BRD1: variants seen among roughly 807,000 people sequenced by gnomAD.
BRD1 encodes bromodomain-containing protein 1.
In BRD1, 24 loss-of-function variants were observed where a neutral mutation model predicts 107.7. The observed-to-expected ratio is 0.22, with a 90% CI of 0.16 to 0.31. BRD1 has a LOEUF of 0.31. Ranked by LOEUF, BRD1 falls within the 10% of genes least tolerant of loss-of-function variation. The pLI is 1.00. For missense variants in BRD1, 1,279 were observed against 1,638.6 expected (o/e 0.78, Z 3.79); for synonymous variants, 744 against 686.1 (o/e 1.08, Z -1.32).
chr22:49,798,660 C>T lies in BRD1; in HGVS notation c.1683G>A (p.Glu561=), dbSNP rs745840425. 3.1e-6 allele frequency: 5 copies of T among 1,611,070 alleles called. No individual in the cohort carries two copies. In the Admixed American group the frequency reaches 8.4e-5, roughly 27 times the overall value. ...GCACCGTCAGCGGGGTCAGCCGCAG[C>T]TCCATGGCGACCTGCTCCACCTTCA... ...EQVKVEQVAM[E]LRLTPLTVLL... is the part of the protein sequence containing the mutation. Residue 561 remains glutamate (E), a synonymous_variant, in exon 5 of 13, where the codon GAG becomes GAA. Transcript: ENST00000404760.
intron 2 of BRD1, among the ~76,000 whole-genome samples, chr22:49,814,952 G>A (rs764388946): frequency 2.6e-5 from 4 of 152,328 alleles, no homozygotes; most frequent in African/African-American, 9.6e-5. Context: ...CTTCAGGGAA[G>A]AGAACCCGGC....
chr22:49,781,653 C>T (rs1042031364), intron 8 of BRD1, among the ~76,000 whole-genome samples: 1 of 152,264 alleles, frequency 6.6e-6, no homozygotes, highest in Admixed American at 6.5e-5. Flanking sequence ...TCGGCTTCTC[C>T]GGCTCATGGG....
At chr22:49,787,315 C>CTTA in intron 8 of BRD1, 75 bp downstream of exon 8, 1 of 834,916 alleles carries the variant, frequency 1.2e-6, no homozygotes, top group South Asian at 1.7e-5. Context: ...CCCCCCCCGT[C>CTTA]ACACCAATGA....
chr22:49,819,654 T>G (rs2060025724), intron 2 of BRD1, among the ~76,000 whole-genome samples: 1 of 151,778 alleles, frequency 6.6e-6, no homozygotes, highest in Non-Finnish European at 1.5e-5. Context: ...TTTCACCATG[T>G]TAGCCAGGCT....
At position 49,804,193 on chromosome 22, in the gene BRD1, G is replaced by T; in HGVS notation, c.1524+11C>A. On this transcript the variant is annotated intron_variant, in intron 3 of 12. Coordinates refer to ENST00000404760, the MANE Select transcript of BRD1 (RefSeq NM_001304808.3). ...GACGCAGAAAGGCTGTGGGGGCCAC[G>T]AGCCACGTACCTGCTGTGAGCTTCG... is the stretch of plus-strand genomic sequence containing the variant. 6.4e-7 allele frequency: 1 copy of T among 1,562,100 alleles called. No individual in the cohort carries two copies. Among genetic ancestry groups the T allele is most frequent in the Non-Finnish European group, 8.7e-7 (1 of 1,152,370 alleles).
Position 49,785,410 on chromosome 22 carries a change from G to A in BRD1, c.2857+1980C>T, listed in dbSNP as rs185435334. ...ACCCCGAGGAAGTGGAGCGTCAGCC[G>A]AACTCCAAGTTCTGCATGCAGAGGG... On this transcript the variant is annotated intron_variant, in intron 8 of 12. Transcript: ENST00000404760. 4.6e-3 allele frequency among the ~76,000 whole-genome samples: 696 copies of A among 152,344 alleles called. 4 individuals carry two copies. Among genetic ancestry groups the A allele is most frequent in the African/African-American group, 0.016 (658 of 41,584 alleles).
chr22:49,776,972 C>A, intron 10 of BRD1, 62 bp downstream of exon 10: 1 of 1,601,200 alleles, frequency 6.2e-7, no homozygotes, highest in Non-Finnish European at 8.5e-7. Flanking sequence ...CCCCAGCAGT[C>A]GAGCCCTAAG....
intron 8 of BRD1, among the ~76,000 whole-genome samples, chr22:49,786,729 G>A (rs768636685): frequency 9.2e-5 from 14 of 152,060 alleles, no homozygotes; most frequent in African/African-American, 2.2e-4. Context: ...TGCTGGGAGC[G>A]GCCAGTCACC....
intron 6 of BRD1, among the ~76,000 whole-genome samples, chr22:49,796,328 T>G (rs1289073694): frequency 6.6e-6 from 1 of 151,528 alleles, no homozygotes; most frequent in Non-Finnish European, 1.5e-5. Flanking sequence ...CCTCCTGACT[T>G]CGTGATCCAC....
chr22:49,798,548 A>T lies in BRD1; in HGVS notation c.1785+10T>A, dbSNP rs747299853. 1 of 1,614,152 alleles carries T rather than the reference A, an allele frequency of 6.2e-7. No homozygotes were observed. Among genetic ancestry groups the T allele is most frequent in the Non-Finnish European group, 8.5e-7 (1 of 1,180,024 alleles). On this transcript the variant is annotated intron_variant, in intron 5 of 12. Transcript: ENST00000404760. ...ATGCGGCAGGACAGACGAGCGCCGC[A>T]AACACCCACCTCCTTCAGACTCACG...
At chr22:49,799,208 C>T in intron 3 of BRD1, 89 bp from the exon 4 acceptor site, 2 of 1,518,558 alleles carry the variant, frequency 1.3e-6, no homozygotes, top group Non-Finnish European at 1.8e-6. Context: ...CCCCAAGAGG[C>T]ATCCACGTCA....
In BRD1 at chr22:49,823,083, C is replaced by T. The variant is rs749877900; in HGVS notation, c.1235G>A (p.Arg412Gln). 2.5e-6 allele frequency: 4 copies of T among 1,614,204 alleles called. No homozygotes were observed. Among genetic ancestry groups the T allele is most frequent in the Non-Finnish European group, 2.5e-6 (3 of 1,180,036 alleles). ...GDVEMKNGVC[R>Q]KESSVKTVRS... is the part of the protein sequence containing the mutation. Reference sequence around the variant, plus strand: ...GACCGTTTTAACCGAGCTCTCTTTTCGACAGACGCCATTTTTCATTTCGAC... The same window carrying T: ...GACCGTTTTAACCGAGCTCTCTTTTTGACAGACGCCATTTTTCATTTCGAC... Residue 412 changes from arginine (R) to glutamine (Q), a missense_variant, in exon 2 of 13, where the codon CGA becomes CAA. By Grantham distance (43) the Arg-to-Gln change is conservative (BLOSUM62 1). This residue lies in a region of BRD1 where 158 missense variants were observed against 310.2 expected (regional missense o/e 0.51). Coordinates refer to ENST00000404760, the MANE Select transcript of BRD1 (RefSeq NM_001304808.3).
At chr22:49,776,885 T>A in intron 10 of BRD1, 149 bp downstream of exon 10, 1 of 1,162,956 alleles carries the variant, frequency 8.6e-7, no homozygotes, top group Non-Finnish European at 1.2e-6. Context: ...CCTCGGTGTG[T>A]GATGAACCCT....
Position 49,787,393 on chromosome 22 carries a change from C to A in BRD1, c.2854G>T (p.Ala952Ser). ...EEESPGKRLD[A>S]GLTNGFGGAR... Reference sequence around the variant, plus strand: ...CAGGGCCGCCCGCGGCATTTACCTGCGTCCAGGCGCTTTCCTGGGGACTCC... The same window carrying A: ...CAGGGCCGCCCGCGGCATTTACCTGAGTCCAGGCGCTTTCCTGGGGACTCC... Residue 952 changes from alanine to serine, a missense_variant, in exon 8 of 13, where the codon GCA becomes TCA. Physicochemically the swap from Ala to Ser is moderately conservative, Grantham distance 99. Coordinates refer to ENST00000404760, the MANE Select transcript of BRD1 (RefSeq NM_001304808.3). 1 of 1,581,152 alleles carries A rather than the reference C, an allele frequency of 6.3e-7. No individual in the cohort carries two copies.
chr22:49,810,215 T>C (rs1036745765), intron 2 of BRD1, among the ~76,000 whole-genome samples: 2 of 152,024 alleles, frequency 1.3e-5, no homozygotes, highest in Non-Finnish European at 2.9e-5. Context: ...AAGGTAGAAA[T>C]TATCATATAT....
rs1487031622 is a variant in BRD1 at position 49,803,396 on chromosome 22, C to A, written c.1524+808G>T. 1.3e-5 allele frequency among the ~76,000 whole-genome samples: 2 copies of A among 152,216 alleles called. No homozygotes were observed. The highest frequency in any genetic ancestry group is 4.8e-5 in the African/African-American group (2 of 41,450). On this transcript the variant is annotated intron_variant, in intron 3 of 12. Coordinates refer to ENST00000404760, the MANE Select transcript of BRD1 (RefSeq NM_001304808.3). The surrounding 1 kb of genome is among the most constrained non-coding windows in gnomAD (Gnocchi z 4.4). Reference sequence around the variant, plus strand: ...TCCAAGAGGCACTCAGGCCACGCGACGCCAGCAGCAGACAGCTCTTCCAAA... The same window carrying A: ...TCCAAGAGGCACTCAGGCCACGCGAAGCCAGCAGCAGACAGCTCTTCCAAA...
Position 49,798,656 on chromosome 22 carries a change from G to A in BRD1, c.1687C>T (p.Arg563Trp), listed in dbSNP as rs778827718. 17 of 1,611,580 alleles carry A rather than the reference G, an allele frequency of 1.1e-5. No homozygotes were observed. Among genetic ancestry groups the A allele is most frequent in the Admixed American group, 1.7e-5 (1 of 59,798 alleles). Residue 563 changes from arginine to tryptophan, a missense_variant, in exon 5 of 13, where the codon CGG (arginine) becomes TGG (tryptophan). This residue lies in a region of BRD1 where 406 missense variants were observed against 519.4 expected (regional missense o/e 0.78). Transcript: ENST00000404760. ...VKVEQVAMEL[R>W]LTPLTVLLRS... The stretch of plus-strand genomic sequence containing the variant: ...AGCAGCACCGTCAGCGGGGTCAGCC[G>A]CAGCTCCATGGCGACCTGCTCCACC...
intron 4 of BRD1, 22 bp downstream of exon 4, chr22:49,798,966 C>A: frequency 6.3e-7 from 1 of 1,587,844 alleles, no homozygotes; most frequent in Non-Finnish European, 8.6e-7. Context: ...GTGCACTCCA[C>A]GCGGGACAGG....
chr22:49,789,853 C>T (rs1248554032), intron 7 of BRD1, among the ~76,000 whole-genome samples: 1 of 152,202 alleles, frequency 6.6e-6, no homozygotes, highest in African/African-American at 2.4e-5. Context: ...ACAACCCCTC[C>T]TCCACACCTC....
Sources: allele counts gnomAD v4.1 joint callset (sites outside exome capture counted in the v4.1 genomes callset), GRCh38; gene constraint gnomAD v4.1.1; regional missense constraint gnomAD v4.1.1; non-coding constraint Gnocchi (gnomAD v3.1); transcripts MANE v1.5; gene names NCBI Gene and HGNC (gene_info 2026-07-23, HGNC 2026-07-21).